CHCHD3: variants seen among roughly 807,000 people sequenced by gnomAD.
CHCHD3 encodes coiled-coil-helix-coiled-coil-helix domain containing 3, also known as MICOS complex subunit MIC19.
In CHCHD3, 20 loss-of-function variants were observed where a neutral mutation model predicts 38.2. The observed-to-expected ratio is 0.52, with a 90% CI of 0.37 to 0.76. The LOEUF is 0.76. CHCHD3 is among the 30% of genes least tolerant of loss of function. The pLI, the probability that CHCHD3 is intolerant of heterozygous loss-of-function variation, is 0.00. For missense variants in CHCHD3, 245 were observed against 279.2 expected (o/e 0.88, Z 0.87); for synonymous variants, 82 against 100.0 (o/e 0.82, Z 1.07).
intron 3 of CHCHD3, among the ~76,000 whole-genome samples, chr7:132,992,639 C>T (rs1812313337): frequency 6.6e-6 from 1 of 152,132 alleles, no homozygotes; most frequent in South Asian, 2.1e-4. Flanking sequence ...AAATTTTATA[C>T]TCCTTATGTT....
intron 6 of CHCHD3, among the ~76,000 whole-genome samples, chr7:132,828,266 C>T (rs191786012): frequency 6.6e-5 from 10 of 152,266 alleles, no homozygotes; most frequent in Admixed American, 3.3e-4. Flanking sequence ...TCTCCACAAT[C>T]TTTCCAGACA....
chr7:132,942,580 T>C (rs1200949085), intron 4 of CHCHD3, among the ~76,000 whole-genome samples: 1 of 152,164 alleles, frequency 6.6e-6, no homozygotes, highest in Non-Finnish European at 1.5e-5. Context: ...GCTTTATACA[T>C]TGGAAGAATT....
In CHCHD3 at chr7:132,794,049, C is replaced by T. The variant is rs562497139; in HGVS notation, c.660+2393G>A. ...TAGAAGCTCCTTCTGGCCACTGTGG[C>T]GTGATCTTAAAATGGGCCAGTGCCA... On this transcript the variant is annotated intron_variant, in intron 7 of 7. Transcript: ENST00000262570. Among the ~76,000 whole-genome samples, 122 of 152,286 alleles carry T rather than the reference C, an allele frequency of 8.0e-4. 1 individual carries two copies. The highest frequency in any genetic ancestry group is 6.8e-3 in the Middle Eastern group (2 of 294).
intron 4 of CHCHD3, among the ~76,000 whole-genome samples, chr7:132,925,822 C>A (rs1208798014): frequency 3.3e-5 from 5 of 152,058 alleles, no homozygotes; most frequent in Non-Finnish European, 7.4e-5. Flanking sequence ...GAAAACGTTT[C>A]CAAAAGATGA....
At chr7:132,892,655 G>A (rs1378221390) in intron 4 of CHCHD3, among the ~76,000 whole-genome samples, 1 of 152,154 alleles carries the variant, frequency 6.6e-6, no homozygotes, top group African/African-American at 2.4e-5. Flanking sequence ...AGGAAAAACG[G>A]TTGCCTGGAC....
intron 4 of CHCHD3, among the ~76,000 whole-genome samples, chr7:132,900,018 T>C (rs1011213315): frequency 6.6e-6 from 1 of 152,232 alleles, no homozygotes; most frequent in African/African-American, 2.4e-5. Context: ...GACACCTGGA[T>C]GCCAGGGGCA....
intron 1 of CHCHD3, 96 bp downstream of exon 1, chr7:133,081,761 A>G: frequency 7.9e-7 from 1 of 1,262,004 alleles, no homozygotes; most frequent in Non-Finnish European, 1.1e-6. Flanking sequence ...GCTAGGGTCC[A>G]GGACGGGAGA....
chr7:132,882,038 T>C (rs1000107895), intron 5 of CHCHD3, among the ~76,000 whole-genome samples: 5 of 152,180 alleles, frequency 3.3e-5, no homozygotes, highest in African/African-American at 9.6e-5. Context: ...TTGAATAATA[T>C]TAATTCTATG....
chr7:133,033,491 A>G (rs1284517043), intron 2 of CHCHD3, among the ~76,000 whole-genome samples: 1 of 152,198 alleles, frequency 6.6e-6, no homozygotes, highest in Non-Finnish European at 1.5e-5. Context: ...CACTTTCTAA[A>G]GTGGTACAGT....
At chr7:132,942,798 T>C (rs1223634480) in intron 4 of CHCHD3, among the ~76,000 whole-genome samples, 1 of 152,134 alleles carries the variant, frequency 6.6e-6, no homozygotes, top group Non-Finnish European at 1.5e-5. Context: ...CATAATGAAA[T>C]GAAGAAGAGT....
chr7:132,958,463 T>C (rs1422150191), intron 4 of CHCHD3, among the ~76,000 whole-genome samples: 1 of 152,220 alleles, frequency 6.6e-6, no homozygotes, highest in Non-Finnish European at 1.5e-5. Flanking sequence ...ACAATCTTAC[T>C]ATGAAGGTTT....
chr7:132,989,092 T>G (rs1812202468), intron 3 of CHCHD3, among the ~76,000 whole-genome samples: 1 of 152,120 alleles, frequency 6.6e-6, no homozygotes. Flanking sequence ...ACTATACTAT[T>G]TTATATAAGG....
chr7:132,870,732 A>G (rs555670305), intron 5 of CHCHD3, among the ~76,000 whole-genome samples: 16 of 152,316 alleles, frequency 1.1e-4, no homozygotes, highest in Middle Eastern at 3.4e-3. Flanking sequence ...ACACAAATCA[A>G]TTGCAGGAAC....
intron 1 of CHCHD3, among the ~76,000 whole-genome samples, chr7:133,070,463 T>C (rs1044391025): frequency 7.2e-5 from 11 of 152,230 alleles, no homozygotes; most frequent in Non-Finnish European, 1.3e-4. Flanking sequence ...TTGTTCATTA[T>C]AAATAACTAC....
At chr7:132,817,430 G>A (rs1287047160) in intron 6 of CHCHD3, among the ~76,000 whole-genome samples, 2 of 152,018 alleles carry the variant, frequency 1.3e-5, no homozygotes, top group African/African-American at 4.8e-5. Context: ...AAAAAAAAAT[G>A]AGGCAAAGTG....
intron 4 of CHCHD3, among the ~76,000 whole-genome samples, chr7:132,918,467 T>C (rs1810174958): frequency 6.6e-6 from 1 of 152,178 alleles, no homozygotes. Context: ...GAAAAACAAT[T>C]AAAAAGATAT....
chr7:133,022,067 A>T (rs1291798050), intron 3 of CHCHD3, among the ~76,000 whole-genome samples: 1 of 152,138 alleles, frequency 6.6e-6, no homozygotes, highest in East Asian at 1.9e-4. Context: ...AGCCTGGGTG[A>T]CAGAGCGAGA....
At chr7:132,860,490 A>G (rs1808461896) in intron 5 of CHCHD3, among the ~76,000 whole-genome samples, 1 of 152,198 alleles carries the variant, frequency 6.6e-6, no homozygotes, top group African/African-American at 2.4e-5. Context: ...TATCCAGTCC[A>G]GCACATCAGA....
chr7:132,871,833 C>T (rs762633158), intron 5 of CHCHD3, among the ~76,000 whole-genome samples: 1 of 152,106 alleles, frequency 6.6e-6, no homozygotes, highest in African/African-American at 2.4e-5. Flanking sequence ...TCATCTACAA[C>T]TCATCACAAG....
Sources: gnomAD v4.1 joint callset for allele counts (sites outside exome capture counted in the v4.1 genomes callset) on GRCh38, gnomAD v4.1.1 for gene constraint, MANE v1.5 for transcripts, NCBI Gene and HGNC (gene_info 2026-07-23, HGNC 2026-07-21) for gene names.